EIF4EBP2: variants seen among roughly 807,000 people sequenced by gnomAD.
EIF4EBP2 encodes eukaryotic translation initiation factor 4E-binding protein 2.
Under a neutral mutation model 10.3 loss-of-function variants are expected in EIF4EBP2, and 5 were observed. The ratio of observed to expected loss-of-function variants is 0.48; its 90% confidence interval spans 0.25 to 1.02. The LOEUF is 1.02. Among genes scored for constraint, EIF4EBP2 ranks in the 50% least tolerant of loss-of-function variants. The pLI is 0.15. For missense variants in EIF4EBP2, 188 were observed against 162.2 expected, an observed-to-expected ratio of 1.16 and a Z score of -0.86; for synonymous variants, 67 against 61.1, an observed-to-expected ratio of 1.10 and a Z score of -0.45.
Position 70,404,297 on chromosome 10 carries a change from A to G in EIF4EBP2, c.-105A>G, listed in dbSNP as rs919483845. The G allele has an allele frequency of 4.0e-5, 55 of 1,367,306 alleles. No individual in the cohort carries two copies. The highest frequency in any genetic ancestry group is 5.1e-5 in the Non-Finnish European group (54 of 1,053,010). 84.7% of individuals were successfully genotyped at this position (1,367,306 alleles called of 1,614,324 possible). A position where few individuals can be genotyped will look rare whatever the true frequency, so the allele number is the denominator to read the frequency against. ...AGGGAACGGGAGGAAGCGAGCGAGG[A>G]GCGCGCAGAGCGCGCTTTTCCGTCC... On this transcript the variant is annotated 5_prime_UTR_variant, in exon 1 of 3. Coordinates refer to ENST00000373218, the MANE Select transcript of EIF4EBP2 (RefSeq NM_004096.5).
intron 1 of EIF4EBP2, 32 bp downstream of exon 1, chr10:70,404,578 G>A: frequency 1.3e-6 from 2 of 1,508,522 alleles, no homozygotes; most frequent in Non-Finnish European, 1.8e-6. Context: ...GCCGCGCCCG[G>A]TGTCCCGCCG....
At chr10:70,411,397 A>G (rs537027416) in intron 1 of EIF4EBP2, among the ~76,000 whole-genome samples, 1 of 144,986 alleles carries the variant, frequency 6.9e-6, no homozygotes. Context: ...TTTTTTTTTT[A>G]TTATTATTAC....
chr10:70,405,144 G>A (rs1396933503), intron 1 of EIF4EBP2, among the ~76,000 whole-genome samples: 1 of 152,236 alleles, frequency 6.6e-6, no homozygotes, highest in Non-Finnish European at 1.5e-5. Context: ...GCCGGGAGGA[G>A]AGCGTGATAA....
In EIF4EBP2 at chr10:70,425,724, G is replaced by C. The variant is rs1192222568; in HGVS notation, c.*3977G>C. On this transcript the variant is annotated 3_prime_UTR_variant, in exon 3 of 3. Coordinates refer to ENST00000373218, the MANE Select transcript of EIF4EBP2 (RefSeq NM_004096.5). ...CACTTTTATTTTCCTGTAGCTAGGA[G>C]TTAGCAAAAGGAACTGGGGCCTTCC... The C allele has an allele frequency of 6.6e-6, 1 of 152,206 alleles. No individual in the cohort carries two copies. The highest frequency in any genetic ancestry group is 6.5e-5 in the Admixed American group (1 of 15,282). The allele number at this position is 152,206 out of a possible 1,614,324, so 9.4% of individuals were successfully genotyped here. A position where few individuals can be genotyped will look rare whatever the true frequency, so the allele number is the denominator to read the frequency against.
At chr10:70,417,087 T>G (rs941905316) in intron 1 of EIF4EBP2, among the ~76,000 whole-genome samples, 1 of 152,262 alleles carries the variant, frequency 6.6e-6, no homozygotes, top group Non-Finnish European at 1.5e-5. Context: ...GATGGACTTG[T>G]TTTTATCGAC....
chr10:70,406,045 G>C (rs1341400293), intron 1 of EIF4EBP2, among the ~76,000 whole-genome samples: 1 of 152,096 alleles, frequency 6.6e-6, no homozygotes, highest in African/African-American at 2.4e-5. Flanking sequence ...ACAGTGGCAC[G>C]ACCTCGGCTC....
chr10:70,418,262 A>G (rs1258282876), intron 1 of EIF4EBP2, among the ~76,000 whole-genome samples: 3 of 152,226 alleles, frequency 2.0e-5, no homozygotes, highest in African/African-American at 7.2e-5. Context: ...ACCAGAAACC[A>G]TCCATGCTGG....
intron 1 of EIF4EBP2, among the ~76,000 whole-genome samples, chr10:70,409,370 C>T (rs901448453): frequency 5.3e-5 from 8 of 152,184 alleles, no homozygotes; most frequent in African/African-American, 1.7e-4. Flanking sequence ...TGAGAAGCTA[C>T]CTCTGCCCTC....
Position 70,404,542 on chromosome 10 carries a change from G to C in EIF4EBP2, c.141G>C (p.Pro47=). 6.4e-7 allele frequency: 1 copy of C among 1,571,598 alleles called. No homozygotes were observed. Residue 47 remains proline (P), a synonymous_variant, in exon 1 of 3, where the codon CCG becomes CCC. Coordinates refer to ENST00000373218, the MANE Select transcript of EIF4EBP2 (RefSeq NM_004096.5). ...TPGGTLFSTT[P]GGTRIIYDRK... is the part of the protein sequence containing the mutation. ...GGGGGACGCTCTTCTCCACCACACC[G>C]GGAGGTGAGCGCCGGCCAGCCGTCC...
At position 70,404,553 on chromosome 10, in the gene EIF4EBP2, G is replaced by A. The variant is rs757356012; in HGVS notation, c.145+7G>A. 6.5e-7 allele frequency: 1 copy of A among 1,548,254 alleles called. No individual in the cohort carries two copies. Among genetic ancestry groups the A allele is most frequent in the Non-Finnish European group, 8.7e-7 (1 of 1,152,018 alleles). ...TTCTCCACCACACCGGGAGGTGAGC[G>A]CCGGCCAGCCGTCCGCCGCGCCCGG... On this transcript the variant is annotated splice_region_variant and intron_variant, in intron 1 of 2. Coordinates refer to ENST00000373218, the MANE Select transcript of EIF4EBP2 (RefSeq NM_004096.5).
chr10:70,426,731 C>A lies in EIF4EBP2; in HGVS notation c.*4984C>A, dbSNP rs1477984586. ...CTTCTTCCAGAAGTAAAGAACTCAT[C>A]TTTAGAGTACCTTTAAATGAATTTT... On this transcript the variant is annotated 3_prime_UTR_variant, in exon 3 of 3. Coordinates refer to ENST00000373218, the MANE Select transcript of EIF4EBP2 (RefSeq NM_004096.5). 6.6e-6 allele frequency: 1 copy of A among 152,214 alleles called. No individual in the cohort carries two copies. The highest frequency in any genetic ancestry group is 2.4e-5 in the African/African-American group (1 of 41,448). The allele number at this position is 152,214 out of a possible 1,614,324, so 9.4% of individuals were successfully genotyped here.
intron 1 of EIF4EBP2, among the ~76,000 whole-genome samples, chr10:70,417,314 T>C (rs543559565): frequency 1.5e-4 from 22 of 151,716 alleles, no homozygotes; most frequent in African/African-American, 3.9e-4. Flanking sequence ...AGACAGAAAG[T>C]AGATTAGTGG....
intron 1 of EIF4EBP2, among the ~76,000 whole-genome samples, chr10:70,417,285 A>G (rs2137230124): frequency 6.6e-6 from 1 of 152,274 alleles, no homozygotes; most frequent in South Asian, 2.1e-4. Context: ...AAATGGCCAG[A>G]GTAGGTAAAA....
intron 1 of EIF4EBP2, among the ~76,000 whole-genome samples, chr10:70,406,566 C>G (rs1589145002): frequency 2.7e-5 from 4 of 150,760 alleles, no homozygotes; most frequent in Admixed American, 6.6e-5. Context: ...CACCTAGACA[C>G]GTTTTTGGCT....
At chr10:70,411,172 C>T (rs1276478808) in intron 1 of EIF4EBP2, among the ~76,000 whole-genome samples, 1 of 152,144 alleles carries the variant, frequency 6.6e-6, no homozygotes, top group Admixed American at 6.5e-5. Context: ...ATCTTCAGAA[C>T]GTTTTTCATC....
intron 1 of EIF4EBP2, among the ~76,000 whole-genome samples, chr10:70,419,209 CG>C (rs1283706963): frequency 6.6e-6 from 1 of 152,186 alleles, no homozygotes; most frequent in Admixed American, 6.5e-5. Flanking sequence ...TTAGTGATGT[CG>C]AGCACCTTTT....
intron 1 of EIF4EBP2, among the ~76,000 whole-genome samples, chr10:70,410,156 G>A (rs1197543959): frequency 2.6e-5 from 4 of 151,682 alleles, no homozygotes; most frequent in African/African-American, 4.8e-5. Context: ...CGCAACCTCC[G>A]CCTCCTGGGT....
intron 1 of EIF4EBP2, among the ~76,000 whole-genome samples, chr10:70,408,342 C>A (rs1238331773): frequency 6.6e-6 from 1 of 152,170 alleles, no homozygotes; most frequent in African/African-American, 2.4e-5. Context: ...TCTTAATCTT[C>A]TGACCTCGTG....
intron 1 of EIF4EBP2, among the ~76,000 whole-genome samples, chr10:70,407,034 G>A (rs1042809065): frequency 6.0e-4 from 91 of 151,938 alleles, no homozygotes; most frequent in African/African-American, 2.1e-3. Context: ...AGTAGCTGGG[G>A]CTACAGGCGT....
Sources: gnomAD v4.1 joint callset for allele counts (sites outside exome capture counted in the v4.1 genomes callset) on GRCh38, gnomAD v4.1.1 for gene constraint, MANE v1.5 for transcripts, NCBI Gene and HGNC (gene_info 2026-07-23, HGNC 2026-07-21) for gene names.